Variants in NAV3 observed in about 807,000 individuals in gnomAD.
The protein encoded by NAV3 is neuron navigator 3, also known as pore membrane and/or filament interacting like protein 1.
In NAV3, 87 loss-of-function variants were observed where a neutral mutation model predicts 244.7. That is an observed-to-expected ratio of 0.36 (90% CI 0.30 to 0.42). The LOEUF is 0.42. Among genes scored for constraint, NAV3 ranks in the 20% least tolerant of loss-of-function variants. The pLI is 1.00. For synonymous variants in NAV3, 1,126 were observed against 1,042.2 expected, an observed-to-expected ratio of 1.08 and a Z score of -1.55; for missense variants, 2,663 against 2,893.3, an observed-to-expected ratio of 0.92 and a Z score of 1.83.
intron 1 of NAV3, among the ~76,000 whole-genome samples, chr12:77,850,366 C>A (rs1385512741): frequency 2.0e-5 from 3 of 152,174 alleles, no homozygotes. Context: ...TCTAAGTAAT[C>A]ATAAGTCCGT....
chr12:78,048,852 AGAT>A (rs1882280529), intron 9 of NAV3, among the ~76,000 whole-genome samples: 1 of 152,094 alleles, frequency 6.6e-6, no homozygotes, highest in Non-Finnish European at 1.5e-5. Context: ...TGTCCCAGGG[AGAT>A]GAGAGTTTTA....
chr12:78,177,009 C>A, intron 26 of NAV3, 132 bp from the exon 27 acceptor site: 2 of 787,382 alleles, frequency 2.5e-6, no homozygotes, highest in Non-Finnish European at 2.1e-6. Context: ...TACTGTGCTG[C>A]AATTGTTAAT....
chr12:78,197,195 C>G (rs1959188288), intron 34 of NAV3, 52 bp from the exon 35 acceptor site: 1 of 1,368,012 alleles, frequency 7.3e-7, no homozygotes, highest in Non-Finnish European at 9.7e-7. Flanking sequence ...TAACTGCTTC[C>G]TATTAGTATA....
chr12:77,841,406 G>A (rs1875621171), intron 1 of NAV3, among the ~76,000 whole-genome samples: 3 of 152,170 alleles, frequency 2.0e-5, no homozygotes, highest in Non-Finnish European at 4.4e-5. Context: ...ATGTGACCAA[G>A]CAAATTTTAT....
chr12:77,607,286 A>C (rs1870711957), intron 2 of NAV3, among the ~76,000 whole-genome samples: 1 of 152,120 alleles, frequency 6.6e-6, no homozygotes, highest in Non-Finnish European at 1.5e-5. Flanking sequence ...TAATTTAGGA[A>C]GAATCTTCTA....
At chr12:77,823,214 A>G (rs1386430105) in intron 2 of NAV3, among the ~76,000 whole-genome samples, 7 of 152,166 alleles carry the variant, frequency 4.6e-5, no homozygotes, top group African/African-American at 1.7e-4. Flanking sequence ...GAAAGCCTCA[A>G]GGGCTAAAAT....
At chr12:77,717,438 G>A (rs944050474) in intron 2 of NAV3, among the ~76,000 whole-genome samples, 2 of 151,988 alleles carry the variant, frequency 1.3e-5, no homozygotes, top group Non-Finnish European at 1.5e-5. Context: ...CCATGTTATA[G>A]CATATTATAG....
chr12:77,832,460 C>T (rs1196487420), intron 1 of NAV3, among the ~76,000 whole-genome samples: 1 of 152,028 alleles, frequency 6.6e-6, no homozygotes, highest in Admixed American at 6.5e-5. Flanking sequence ...TTGTTTTGTG[C>T]ATTTTTACTT....
At chr12:78,162,003 C>T (rs1338786209) in intron 23 of NAV3, among the ~76,000 whole-genome samples, 1 of 152,090 alleles carries the variant, frequency 6.6e-6, no homozygotes, top group Non-Finnish European at 1.5e-5. Context: ...GTTTTATTCT[C>T]ATTTTCTGAC....
At chr12:78,037,741 T>A (rs1880157571) in intron 9 of NAV3, among the ~76,000 whole-genome samples, 1 of 152,156 alleles carries the variant, frequency 6.6e-6, no homozygotes, top group South Asian at 2.1e-4. Context: ...GCCTATTTGT[T>A]CAACTTCCCT....
intron 5 of NAV3, among the ~76,000 whole-genome samples, chr12:77,974,937 C>A (rs144002430): frequency 6.6e-6 from 1 of 152,164 alleles, no homozygotes; most frequent in Non-Finnish European, 1.5e-5. Flanking sequence ...TAATAAAATA[C>A]GTTGACCCAC....
At chr12:77,788,953 GA>G (rs1871036136) in intron 2 of NAV3, among the ~76,000 whole-genome samples, 1 of 152,040 alleles carries the variant, frequency 6.6e-6, no homozygotes, top group Admixed American at 6.6e-5. Context: ...CAAGAGCTCT[GA>G]AAACCAACCG....
chr12:78,150,720 A>C (rs769915593), intron 22 of NAV3, among the ~76,000 whole-genome samples: 3 of 151,396 alleles, frequency 2.0e-5, no homozygotes, highest in African/African-American at 4.9e-5. Flanking sequence ...TAATCTTCGG[A>C]GTGAACTCTG....
rs148021811 is a variant in NAV3, at chr12:77,707,531, T to A, written c.72+135265T>A. 2.6e-5 allele frequency among the ~76,000 whole-genome samples: 4 copies of A among 152,352 alleles called. No homozygotes were observed. In the East Asian group the frequency reaches 5.8e-4, roughly 22 times the overall value. On this transcript the variant is annotated intron_variant, in intron 2 of 8. Coordinates refer to the NAV3 transcript ENST00000550042. Reference sequence around the variant, plus strand: ...GTGCCACAATGAATATATGTGTGCATGTGTCTTTATAGCAGCATGATTTAT... The same window carrying A: ...GTGCCACAATGAATATATGTGTGCAAGTGTCTTTATAGCAGCATGATTTAT...
intron 2 of NAV3, among the ~76,000 whole-genome samples, chr12:77,600,048 T>G (rs1019582952): frequency 6.6e-6 from 1 of 151,998 alleles, no homozygotes; most frequent in South Asian, 2.1e-4. Flanking sequence ...CATCACAGAT[T>G]TTCTTCTCCT....
chr12:78,159,079 A>G (rs758804370), intron 22 of NAV3, 124 bp from the exon 23 acceptor site: 5 of 637,990 alleles, frequency 7.8e-6, no homozygotes, highest in Non-Finnish European at 1.1e-5. Flanking sequence ...AGAGCTAACT[A>G]TGATAGTCAT....
intron 2 of NAV3, among the ~76,000 whole-genome samples, chr12:77,630,902 G>C (rs753101374): frequency 6.6e-6 from 1 of 152,148 alleles, no homozygotes; most frequent in East Asian, 1.9e-4. Context: ...TAGAGTACAA[G>C]AGCAGAAATA....
chr12:78,182,565 A>G (rs1156466278), intron 30 of NAV3, among the ~76,000 whole-genome samples: 2 of 151,978 alleles, frequency 1.3e-5, no homozygotes, highest in Non-Finnish European at 2.9e-5. Flanking sequence ...ATATAAAAAA[A>G]ACTTAGTATC....
At chr12:78,026,818 A>G (rs1472082989) in intron 9 of NAV3, among the ~76,000 whole-genome samples, 1 of 152,190 alleles carries the variant, frequency 6.6e-6, no homozygotes, top group Non-Finnish European at 1.5e-5. Flanking sequence ...GTAAAATGAA[A>G]TTAATATAAT....
Sources: allele counts gnomAD v4.1 joint callset (sites outside exome capture counted in the v4.1 genomes callset), GRCh38; gene constraint gnomAD v4.1.1; transcripts MANE v1.5; gene names NCBI Gene and HGNC (gene_info 2026-07-23, HGNC 2026-07-21).